The following MKLN1 variants were observed in gnomAD, a reference collection of about 807,000 sequenced individuals.
MKLN1 encodes the protein muskelin.
In MKLN1, 18 loss-of-function variants were observed where a neutral mutation model predicts 99.0. That is an observed-to-expected ratio of 0.18 (90% CI 0.13 to 0.27). MKLN1 has a LOEUF of 0.27. Among genes scored for constraint, MKLN1 ranks in the 10% least tolerant of loss-of-function variants. The pLI, the probability that MKLN1 is intolerant of heterozygous loss-of-function variation, is 1.00. For synonymous variants in MKLN1, 288 were observed against 293.2 expected (o/e 0.98, Z 0.18); for missense variants, 621 against 875.9 (o/e 0.71, Z 3.67).
intron 1 of MKLN1, among the ~76,000 whole-genome samples, chr7:131,333,422 TTTTG>T (rs1366328001): frequency 3.9e-5 from 6 of 152,252 alleles, no homozygotes; most frequent in African/African-American, 1.2e-4. Flanking sequence ...CTTTATGTCA[TTTTG>T]TTTAATTGGT....
At chr7:131,447,424 G>T (rs922564018) in intron 12 of MKLN1, among the ~76,000 whole-genome samples, 5 of 152,128 alleles carry the variant, frequency 3.3e-5, no homozygotes, top group Non-Finnish European at 5.9e-5. Flanking sequence ...GGAGGGTCAG[G>T]CGCAGTGGCT....
chr7:131,313,254 C>A (rs985971144), intron 3 of MKLN1, among the ~76,000 whole-genome samples: 1 of 152,148 alleles, frequency 6.6e-6, no homozygotes, highest in Admixed American at 6.5e-5. Flanking sequence ...TTTATGAGCA[C>A]GTTTTCTATA....
intron 1 of MKLN1, among the ~76,000 whole-genome samples, chr7:131,115,899 T>C (rs1341879842): frequency 1.3e-5 from 2 of 151,834 alleles, no homozygotes; most frequent in African/African-American, 2.4e-5. Context: ...CCTAGATATA[T>C]TTTTTTCATA....
chr7:131,113,774 A>G (rs1335059290), intron 1 of MKLN1, among the ~76,000 whole-genome samples: 1 of 152,148 alleles, frequency 6.6e-6, no homozygotes. Context: ...CAATGAGCAG[A>G]GATCATGCCA....
rs190629604 is a variant in MKLN1 at position 131,435,218 on chromosome 7, T to C, written c.961-2567T>C. Among the ~76,000 whole-genome samples, 55 of 152,354 alleles carry C rather than the reference T, an allele frequency of 3.6e-4. No individual in the cohort carries two copies. In the East Asian group the frequency reaches 7.3e-3, roughly 20 times the overall value. On this transcript the variant is annotated intron_variant, in intron 9 of 17. Transcript: ENST00000352689. ...CATTCCTGGGATAAATACCTTTTTGTTGTAAAATATTCTTTTCATATATTG... is the reference window on the plus strand; with the variant it reads ...CATTCCTGGGATAAATACCTTTTTGCTGTAAAATATTCTTTTCATATATTG...
chr7:131,397,843 C>T (rs17165584), intron 5 of MKLN1, among the ~76,000 whole-genome samples: 10,281 of 152,148 alleles, frequency 0.068, 420 homozygotes, highest in East Asian at 0.19. Flanking sequence ...GTGATTTAGA[C>T]TCCTAAAGTA....
intron 3 of MKLN1, among the ~76,000 whole-genome samples, chr7:131,260,191 C>T (rs1046387247): frequency 1.3e-4 from 19 of 151,978 alleles, no homozygotes; most frequent in African/African-American, 4.1e-4. Flanking sequence ...TACAGGCACA[C>T]GCCACCATGC....
At chr7:131,270,151 C>A (rs992252682) in intron 3 of MKLN1, among the ~76,000 whole-genome samples, 3 of 151,210 alleles carry the variant, frequency 2.0e-5, no homozygotes, top group Admixed American at 6.6e-5. Context: ...CTCGATCTCC[C>A]GACTTCATGA....
At chr7:131,171,112 G>A (rs1229488688) in intron 2 of MKLN1, among the ~76,000 whole-genome samples, 1 of 152,134 alleles carries the variant, frequency 6.6e-6, no homozygotes, top group African/African-American at 2.4e-5. Context: ...AGGGTTCCAA[G>A]GATACCAAGT....
intron 1 of MKLN1, among the ~76,000 whole-genome samples, chr7:131,373,093 AT>A (rs1044733424): frequency 1.3e-5 from 2 of 151,982 alleles, no homozygotes; most frequent in Non-Finnish European, 2.9e-5. Context: ...CATATTTGAA[AT>A]ATTTTTGCTA....
At chr7:131,392,229 G>C (rs1427480237) in intron 4 of MKLN1, among the ~76,000 whole-genome samples, 1 of 152,118 alleles carries the variant, frequency 6.6e-6, no homozygotes, top group Non-Finnish European at 1.5e-5. Context: ...GGATTCAGGG[G>C]GAGTCTTGGT....
intron 3 of MKLN1, among the ~76,000 whole-genome samples, chr7:131,211,143 T>C (rs968789550): frequency 6.6e-6 from 1 of 152,146 alleles, no homozygotes; most frequent in African/African-American, 2.4e-5. Flanking sequence ...GAACTATAAG[T>C]AGGCCAAATG....
At chr7:131,315,340 A>C (rs1291231507) in intron 3 of MKLN1, among the ~76,000 whole-genome samples, 2 of 152,066 alleles carry the variant, frequency 1.3e-5, no homozygotes, top group Non-Finnish European at 2.9e-5. Flanking sequence ...CCCCTAGCCA[A>C]GGGAAGCCGT....
chr7:131,138,294 T>C (rs1345205335), intron 1 of MKLN1, among the ~76,000 whole-genome samples: 2 of 152,240 alleles, frequency 1.3e-5, no homozygotes, highest in Non-Finnish European at 2.9e-5. Flanking sequence ...CTTTTAAAAT[T>C]GGAGCACAAG....
intron 3 of MKLN1, among the ~76,000 whole-genome samples, chr7:131,281,110 T>G (rs28790064): frequency 2.0e-5 from 3 of 152,124 alleles, no homozygotes; most frequent in Non-Finnish European, 4.4e-5. Flanking sequence ...CAAGAAACTA[T>G]TGCCAAATCC....
chr7:131,244,800 A>G (rs1475497380), intron 3 of MKLN1, among the ~76,000 whole-genome samples: 1 of 151,792 alleles, frequency 6.6e-6, no homozygotes, highest in Non-Finnish European at 1.5e-5. Flanking sequence ...TCCTCTTTCT[A>G]GTCTTTTCTT....
chr7:131,308,272 T>C (rs1798499340), intron 3 of MKLN1, among the ~76,000 whole-genome samples: 1 of 151,574 alleles, frequency 6.6e-6, no homozygotes, highest in Non-Finnish European at 1.5e-5. Flanking sequence ...TTTTTTTTTT[T>C]TTTTTTTGAG....
Position 131,391,411 on chromosome 7 carries a change from G to A in MKLN1, c.400+2439G>A, listed in dbSNP as rs1485268500. On this transcript the variant is annotated intron_variant, in intron 4 of 17. Transcript: ENST00000352689. ...AGTAATGGAGGGGAACAGAAGCAAG[G>A]CTAACACAATGGCAGATAATCTCCA... Among the ~76,000 whole-genome samples the A allele has an allele frequency of 2.0e-5, 3 of 152,280 alleles. No homozygotes were observed. In the East Asian group the frequency reaches 5.8e-4, roughly 29 times the overall value.
intron 1 of MKLN1, among the ~76,000 whole-genome samples, chr7:131,372,144 T>C (rs1729729408): frequency 6.6e-6 from 1 of 152,042 alleles, no homozygotes; most frequent in African/African-American, 2.4e-5. Flanking sequence ...ATATTTATTA[T>C]ACTTCATGAT....
Sources: gnomAD v4.1 joint callset for allele counts (sites outside exome capture counted in the v4.1 genomes callset) on GRCh38, gnomAD v4.1.1 for gene constraint, MANE v1.5 for transcripts, NCBI Gene and HGNC (gene_info 2026-07-23, HGNC 2026-07-21) for gene names.